IDE: variants seen among roughly 807,000 people sequenced by gnomAD.
IDE encodes insulin-degrading enzyme.
In IDE, 58 loss-of-function variants were observed where a neutral mutation model predicts 133.2. That is an observed-to-expected ratio of 0.44 (90% confidence interval 0.35 to 0.54). The LOEUF (loss-of-function observed/expected upper bound fraction) is 0.54, where lower values mean the gene tolerates loss of function less well. Among genes scored for constraint, IDE ranks in the 20% least tolerant of loss-of-function variants. The pLI is 0.00. For synonymous variants in IDE, 396 were observed against 421.3 expected, an observed-to-expected ratio of 0.94 and a Z score of 0.73; for missense variants, 981 against 1,234.0, an observed-to-expected ratio of 0.79 and a Z score of 3.07.
At position 92,463,822 on chromosome 10, in the gene IDE, T is replaced by G. The variant is rs1191075485; in HGVS notation, c.2670A>C (p.Ala890=). 1 of 1,614,150 alleles carries G rather than the reference T, an allele frequency of 6.2e-7. No homozygotes were observed. Among genetic ancestry groups the G allele is most frequent in the South Asian group, 1.1e-5 (1 of 91,080 alleles). The change falls in exon 21 of 25, where the codon GCA becomes GCC. Residue 890 remains alanine, a synonymous_variant. Coordinates refer to ENST00000265986, the MANE Select transcript of IDE (RefSeq NM_004969.4). The part of the protein sequence containing the change: ...EAFQKHIQAL[A]IRRLDKPKKL... ...TCTTTGGTTTGTCTAGTCGACGAAT[T>G]GCTAATGCCTGAATGTGTTTTTGGA...
intron 4 of IDE, among the ~76,000 whole-genome samples, chr10:92,528,470 A>C (rs1251392968): frequency 6.6e-6 from 1 of 152,110 alleles, no homozygotes; most frequent in Admixed American, 6.6e-5. Flanking sequence ...AGAAAAAAAA[A>C]AAAACAGAAT....
intron 1 of IDE, chr10:92,554,646 G>C (rs894484035): frequency 6.6e-6 from 1 of 151,816 alleles, no homozygotes; most frequent in Admixed American, 6.6e-5. Context: ...TCAGGAGTTC[G>C]AGACCAGTCT....
intron 1 of IDE, among the ~76,000 whole-genome samples, chr10:92,573,655 C>T (rs1411982142): frequency 6.6e-6 from 1 of 152,242 alleles, no homozygotes; most frequent in East Asian, 1.9e-4. Flanking sequence ...TGGCACACGC[C>T]CCGTGGCCCC....
intron 1 of IDE, among the ~76,000 whole-genome samples, chr10:92,542,436 T>A (rs981660153): frequency 6.6e-6 from 1 of 152,238 alleles, no homozygotes; most frequent in Non-Finnish European, 1.5e-5. Context: ...ACTACAGGCA[T>A]GGGCCACCGT....
chr10:92,515,998 C>T (rs1370600287), intron 4 of IDE, among the ~76,000 whole-genome samples: 1 of 150,746 alleles, frequency 6.6e-6, no homozygotes, highest in Non-Finnish European at 1.5e-5. Flanking sequence ...GGAGAAACAC[C>T]GTCTCTACTA....
intron 15 of IDE, among the ~76,000 whole-genome samples, chr10:92,476,976 T>C (rs1846290030): frequency 6.6e-6 from 1 of 152,116 alleles, no homozygotes; most frequent in South Asian, 2.1e-4. Context: ...CCTCAGGTGA[T>C]CCACCTGCCT....
chr10:92,468,112 G>C (rs1311767863), intron 19 of IDE, among the ~76,000 whole-genome samples: 2 of 152,126 alleles, frequency 1.3e-5, no homozygotes, highest in African/African-American at 2.4e-5. Context: ...GGAATAAGTA[G>C]CTTATAAAAT....
intron 6 of IDE, 48 bp from the exon 7 acceptor site, chr10:92,508,938 AG>A (rs1260151213): frequency 2.1e-6 from 3 of 1,413,670 alleles, no homozygotes; most frequent in Non-Finnish European, 3.0e-6. Context: ...CTCCTACTGA[AG>A]AAAATATTTC....
intron 1 of IDE, among the ~76,000 whole-genome samples, chr10:92,568,771 G>T (rs1843662493): frequency 6.6e-6 from 1 of 151,916 alleles, no homozygotes; most frequent in African/African-American, 2.4e-5. Flanking sequence ...AGCCGAGATT[G>T]CGCCACTGTA....
At chr10:92,475,020 G>T in intron 16 of IDE, 59 bp from the exon 17 acceptor site, 1 of 1,364,666 alleles carries the variant, frequency 7.3e-7, no homozygotes, top group Non-Finnish European at 1.0e-6. Flanking sequence ...CATTTCAAAA[G>T]TCCAGTTATA....
At chr10:92,486,756 C>T (rs79416611) in intron 13 of IDE, among the ~76,000 whole-genome samples, 5,362 of 152,282 alleles carry the variant, frequency 0.035, 354 homozygotes, top group African/African-American at 0.12. Context: ...GAGATAGTCA[C>T]TATGTCATAA....
At chr10:92,529,498 C>A (rs78351766) in intron 4 of IDE, among the ~76,000 whole-genome samples, 1 of 152,124 alleles carries the variant, frequency 6.6e-6, no homozygotes, top group African/African-American at 2.4e-5. Flanking sequence ...AAGAAATATG[C>A]CCTGAAACTT....
At chr10:92,528,329 T>C (rs905053005) in intron 4 of IDE, among the ~76,000 whole-genome samples, 1 of 152,202 alleles carries the variant, frequency 6.6e-6, no homozygotes, top group Non-Finnish European at 1.5e-5. Flanking sequence ...TTTTTGTTCA[T>C]GGATGAGTGC....
intron 4 of IDE, among the ~76,000 whole-genome samples, chr10:92,524,796 G>A (rs1221990945): frequency 6.6e-6 from 1 of 150,744 alleles, no homozygotes; most frequent in African/African-American, 2.4e-5. Context: ...GGTAATGGGC[G>A]CTGCAATCCC....
intron 15 of IDE, among the ~76,000 whole-genome samples, chr10:92,477,832 A>C (rs1489852085): frequency 6.6e-6 from 1 of 152,220 alleles, no homozygotes; most frequent in Non-Finnish European, 1.5e-5. Flanking sequence ...TGAGCTTCAA[A>C]CTTCTGTGGA....
chr10:92,456,913 C>T (rs1221983448), intron 22 of IDE, among the ~76,000 whole-genome samples: 2 of 149,666 alleles, frequency 1.3e-5, no homozygotes, highest in Non-Finnish European at 3.0e-5. Context: ...TCTTTCCCCT[C>T]ACTTACATTA....
chr10:92,552,366 A>G (rs939430394), intron 1 of IDE, among the ~76,000 whole-genome samples: 3 of 152,236 alleles, frequency 2.0e-5, no homozygotes, highest in Non-Finnish European at 2.9e-5. Flanking sequence ...AAGAAATGGG[A>G]GAAGGCTACA....
intron 4 of IDE, among the ~76,000 whole-genome samples, chr10:92,524,479 A>ATATAT (rs1324201536): frequency 1.5e-5 from 1 of 64,974 alleles, no homozygotes; most frequent in Non-Finnish European, 2.7e-5. Context: ...AATATATAAT[A>ATATAT]TATATTATAT....
chr10:92,556,132 C>T (rs529959749), intron 1 of IDE, among the ~76,000 whole-genome samples: 2 of 137,072 alleles, frequency 1.5e-5, no homozygotes, highest in South Asian at 4.6e-4. Context: ...GAGATTGCAC[C>T]ACTGCAGTCC....
Sources: allele counts gnomAD v4.1 joint callset (sites outside exome capture counted in the v4.1 genomes callset), GRCh38; gene constraint gnomAD v4.1.1; transcripts MANE v1.5; gene names NCBI Gene and HGNC (gene_info 2026-07-23, HGNC 2026-07-21).